Variants in AAR2 observed in about 807,000 individuals in gnomAD.
The protein encoded by AAR2 is protein AAR2 homolog.
AAR2 carries 31 observed loss-of-function variants against 26.9 expected under a neutral mutation model. That is an observed-to-expected ratio of 1.15 (90% CI 0.86 to 1.55). The LOEUF (loss-of-function observed/expected upper bound fraction) is 1.55. Ranked by LOEUF, AAR2 falls within the 40% of genes most tolerant of loss-of-function variation. AAR2 has a pLI of 0.00. For missense variants in AAR2, 430 were observed against 491.3 expected (o/e 0.88, Z 1.18); for synonymous variants, 188 against 196.1 (o/e 0.96, Z 0.34).
At position 36,255,748 on chromosome 20, in the gene AAR2, C is replaced by T. The variant is rs777375580; in HGVS notation, c.*3C>T. 69 of 1,613,872 alleles carry T rather than the reference C, an allele frequency of 4.3e-5. No individual in the cohort carries two copies. Among genetic ancestry groups the T allele is most frequent in the Admixed American group, 6.7e-5 (4 of 59,990 alleles). ...CTGAGGGCATCGAGATGGGCTAACT[C>T]GGGGAGCGCTCTCAGCTGCGAGGGG... On this transcript the variant is annotated 3_prime_UTR_variant, in exon 4 of 4. Coordinates refer to ENST00000320849, the MANE Select transcript of AAR2 (RefSeq NM_001271874.2).
chr20:36,255,526 C>T (rs1387469461), intron 3 of AAR2, 52 bp from the exon 4 acceptor site: 11 of 1,599,134 alleles, frequency 6.9e-6, no homozygotes, highest in East Asian at 6.7e-5. Context: ...ACAGCTTTCT[C>T]GCCCCCTGCC....
At chr20:36,254,779 TA>T (rs1272723033) in intron 3 of AAR2, among the ~76,000 whole-genome samples, 1 of 152,210 alleles carries the variant, frequency 6.6e-6, no homozygotes, top group African/African-American at 2.4e-5. Flanking sequence ...TAATAAACTG[TA>T]AATCAGATAT....
At position 36,239,892 on chromosome 20, in the gene AAR2, T is replaced by C; in HGVS notation, c.24T>C (p.Pro8=). The part of the protein sequence containing the change: MAAVQMD[P]ELAKRLFFEG... ...CCATGGCTGCCGTGCAGATGGATCC[T>C]GAGCTAGCCAAGCGCCTCTTCTTTG... The change falls in exon 2 of 4, where the codon CCT becomes CCC. Residue 8 remains proline (P), a synonymous_variant. Transcript: ENST00000320849. 1 of 1,601,950 alleles carries C rather than the reference T, an allele frequency of 6.2e-7. No individual in the cohort carries two copies. Among genetic ancestry groups the C allele is most frequent in the Non-Finnish European group, 8.5e-7 (1 of 1,170,546 alleles).
chr20:36,243,474 T>G (rs1317131857), intron 2 of AAR2, among the ~76,000 whole-genome samples: 2 of 152,230 alleles, frequency 1.3e-5, no homozygotes, highest in Non-Finnish European at 2.9e-5. Flanking sequence ...TCAAACGCCA[T>G]GCATTTAAAG....
In AAR2 at chr20:36,240,495, A is replaced by T; in HGVS notation, c.627A>T (p.Ser209=). 4 of 1,614,138 alleles carry T rather than the reference A, an allele frequency of 2.5e-6. No individual in the cohort carries two copies. The highest frequency in any genetic ancestry group is 3.4e-6 in the Non-Finnish European group (4 of 1,180,046). ...GAGCCGGGACAGAGATCCGCTTCTC[A>T]GAGCTGCCCACGCAGATGTTCCCAG... ...KPRAGTEIRF[S]ELPTQMFPEG... Residue 209 remains serine (S), a synonymous_variant, in exon 2 of 4, where the codon TCA becomes TCT. Transcript: ENST00000320849.
At chr20:36,253,899 T>A (rs2064799332) in intron 3 of AAR2, among the ~76,000 whole-genome samples, 2 of 152,190 alleles carry the variant, frequency 1.3e-5, no homozygotes, top group South Asian at 4.1e-4. Context: ...AGATACTACC[T>A]CCTACCTATT....
chr20:36,246,262 G>C (rs1346369422), intron 3 of AAR2, among the ~76,000 whole-genome samples: 1 of 152,138 alleles, frequency 6.6e-6, no homozygotes, highest in African/African-American at 2.4e-5. Context: ...ACTTCATCGA[G>C]GTCCTGTTTC....
At chr20:36,248,497 A>G (rs530467988) in intron 3 of AAR2, among the ~76,000 whole-genome samples, 19 of 152,000 alleles carry the variant, frequency 1.3e-4, no homozygotes, top group Non-Finnish European at 1.9e-4. Context: ...CACCACGCCA[A>G]CCTAATTTTT....
chr20:36,242,435 G>C (rs1241292369), intron 2 of AAR2, among the ~76,000 whole-genome samples: 1 of 151,890 alleles, frequency 6.6e-6, no homozygotes, highest in Non-Finnish European at 1.5e-5. Flanking sequence ...CTGTCGCCCA[G>C]GCTGGAGTGC....
intron 3 of AAR2, among the ~76,000 whole-genome samples, chr20:36,248,911 G>A (rs1440731689): frequency 6.6e-6 from 1 of 151,254 alleles, no homozygotes; most frequent in Non-Finnish European, 1.5e-5. Flanking sequence ...GGAGAGTCAC[G>A]TTGATGCCAT....
At position 36,239,958 on chromosome 20, in the gene AAR2, A is replaced by G; in HGVS notation, c.90A>G (p.Thr30=). Residue 30 remains threonine (T), a synonymous_variant, in exon 2 of 4, where the codon ACA becomes ACG. Coordinates refer to ENST00000320849, the MANE Select transcript of AAR2 (RefSeq NM_001271874.2). ...TVVILNMPKG[T]EFGIDYNSWE... is the part of the protein sequence containing the mutation. ...TCATCCTGAACATGCCCAAGGGAAC[A>G]GAGTTTGGGATTGACTATAACTCCT... The G allele has an allele frequency of 6.2e-7, 1 of 1,614,218 alleles. No individual in the cohort carries two copies. Among genetic ancestry groups the G allele is most frequent in the Non-Finnish European group, 8.5e-7 (1 of 1,180,020 alleles).
At position 36,255,893 on chromosome 20, in the gene AAR2, G is replaced by T. The variant is rs2147302499; in HGVS notation, c.*148G>T. The T allele has an allele frequency of 9.6e-7, 1 of 1,037,770 alleles. No individual in the cohort carries two copies. The highest frequency in any genetic ancestry group is 2.6e-5 in the East Asian group (1 of 38,162). The allele number at this position is 1,037,770 out of a possible 1,614,324, so 64.3% of individuals were successfully genotyped here. On this transcript the variant is annotated 3_prime_UTR_variant, in exon 4 of 4. Transcript: ENST00000320849. Reference sequence around the variant, plus strand: ...TGGAGCCAGAATTCCCTTTTTCACTGATAAATATATTTCTTCATTGCCAAA... The same window carrying T: ...TGGAGCCAGAATTCCCTTTTTCACTTATAAATATATTTCTTCATTGCCAAA...
At chr20:36,247,149 C>T (rs1320298613) in intron 3 of AAR2, among the ~76,000 whole-genome samples, 2 of 152,194 alleles carry the variant, frequency 1.3e-5, no homozygotes, top group East Asian at 3.8e-4. Context: ...ATAGCAGACT[C>T]TTGTATTTTG....
intron 2 of AAR2, among the ~76,000 whole-genome samples, chr20:36,244,065 C>T (rs1274433680): frequency 6.6e-6 from 1 of 152,234 alleles, no homozygotes; most frequent in Non-Finnish European, 1.5e-5. Context: ...TTTATCTTTC[C>T]GTTGCCCACA....
chr20:36,251,805 T>C (rs754948567), intron 3 of AAR2, among the ~76,000 whole-genome samples: 37 of 152,226 alleles, frequency 2.4e-4, no homozygotes, highest in Non-Finnish European at 4.0e-4. Flanking sequence ...TACCTGCCTC[T>C]AGTGGAATTT....
chr20:36,237,444 C>A (rs2064622475), intron 1 of AAR2, among the ~76,000 whole-genome samples: 1 of 152,102 alleles, frequency 6.6e-6, no homozygotes, highest in Non-Finnish European at 1.5e-5. Flanking sequence ...TGTTCCAGGA[C>A]TGTGAGGAAC....
Position 36,239,970 on chromosome 20 carries a change from T to A in AAR2, c.102T>A (p.Ile34=), listed in dbSNP as rs375953564. 10 of 1,614,098 alleles carry A rather than the reference T, an allele frequency of 6.2e-6. No individual in the cohort carries two copies. The African/African-American group carries it at 1.2e-4, about 19-fold the overall frequency. ...TGCCCAAGGGAACAGAGTTTGGGAT[T>A]GACTATAACTCCTGGGAGGTCGGGC... is the stretch of plus-strand genomic sequence containing the variant. The part of the protein sequence containing the change: ...LNMPKGTEFG[I]DYNSWEVGPK... Residue 34 remains isoleucine (I), a synonymous_variant, in exon 2 of 4, where the codon ATT becomes ATA. Transcript: ENST00000320849.
intron 3 of AAR2, 143 bp from the exon 4 acceptor site, chr20:36,255,435 G>C: frequency 2.2e-6 from 2 of 907,270 alleles, no homozygotes; most frequent in South Asian, 3.1e-5. Context: ...TTTGGGGGGA[G>C]CATAGCAGGT....
intron 2 of AAR2, among the ~76,000 whole-genome samples, chr20:36,242,910 T>G (rs1354500932): frequency 6.9e-6 from 1 of 144,106 alleles, no homozygotes; most frequent in African/African-American, 2.6e-5. Context: ...TGGGCTGGAG[T>G]ACAGTGGCAT....
Sources: gnomAD v4.1 joint callset for allele counts (sites outside exome capture counted in the v4.1 genomes callset) on GRCh38, gnomAD v4.1.1 for gene constraint, MANE v1.5 for transcripts, NCBI Gene and HGNC (gene_info 2026-07-23, HGNC 2026-07-21) for gene names.